Variants in CTNNA2 observed in about 807,000 individuals in gnomAD.
CTNNA2 encodes catenin alpha 2.
Under a neutral mutation model 101.0 loss-of-function variants are expected in CTNNA2, and 42 were observed. The ratio of observed to expected loss-of-function variants is 0.42; its 90% CI spans 0.32 to 0.54. The LOEUF (loss-of-function observed/expected upper bound fraction) is 0.54, where lower values mean the gene tolerates loss of function less well. Ranked by LOEUF, CTNNA2 falls within the 20% of genes least tolerant of loss-of-function variation. CTNNA2 has a pLI of 0.14. For missense variants in CTNNA2, 871 were observed against 1,223.1 expected, an observed-to-expected ratio of 0.71 and a Z score of 4.29; for synonymous variants, 450 against 456.4, an observed-to-expected ratio of 0.99 and a Z score of 0.18.
chr2:79,875,640 A>G (rs1457044087), intron 6 of CTNNA2, among the ~76,000 whole-genome samples: 3 of 152,162 alleles, frequency 2.0e-5, no homozygotes, highest in African/African-American at 4.8e-5. Flanking sequence ...TCATACTCAA[A>G]TAGTTCTTAC....
At position 80,097,793 on chromosome 2, in the gene CTNNA2, C is replaced by T. The variant is rs144575633; in HGVS notation, c.1056+187996C>T. Among the ~76,000 whole-genome samples, 704 of 152,264 alleles carry T rather than the reference C, an allele frequency of 4.6e-3. 4 individuals are homozygous for T. The highest frequency in any genetic ancestry group is 9.6e-3 in the Admixed American group (147 of 15,292). On this transcript the variant is annotated intron_variant, in intron 7 of 18. Coordinates refer to ENST00000402739, the MANE Select transcript of CTNNA2 (RefSeq NM_001282597.3). The stretch of plus-strand genomic sequence containing the variant: ...GCTGATACCCTTTCTTCCAGTTGAT[C>T]GCATTGCCTACTGAGGCTTATGCAT...
chr2:79,514,222 A>G (rs1671684066), intron 1 of CTNNA2, among the ~76,000 whole-genome samples: 1 of 152,240 alleles, frequency 6.6e-6, no homozygotes, highest in South Asian at 2.1e-4. Flanking sequence ...ACTTTTGTTC[A>G]TCATGGGTTA....
chr2:80,422,313 C>T (rs1378400537), intron 9 of CTNNA2, among the ~76,000 whole-genome samples: 8 of 152,132 alleles, frequency 5.3e-5, no homozygotes, highest in Non-Finnish European at 1.2e-4. Context: ...ACCACCTCCA[C>T]GATTCAGTTA....
At chr2:79,883,886 A>C (rs996694763) in intron 6 of CTNNA2, among the ~76,000 whole-genome samples, 1 of 152,174 alleles carries the variant, frequency 6.6e-6, no homozygotes, top group African/African-American at 2.4e-5. Flanking sequence ...AAGGTATTAC[A>C]CCAAGAATCA....
intron 2 of CTNNA2, chr2:79,292,842 A>G (rs1487864492): frequency 6.6e-6 from 1 of 152,254 alleles, no homozygotes; most frequent in Non-Finnish European, 1.5e-5. Flanking sequence ...AGCATTTCTG[A>G]GTGGGGACAA....
At chr2:80,586,943 A>G (rs1278993770) in intron 14 of CTNNA2, among the ~76,000 whole-genome samples, 1 of 152,264 alleles carries the variant, frequency 6.6e-6, no homozygotes, top group South Asian at 2.1e-4. Context: ...ACTCATGTCT[A>G]TGGCATCCAC....
Position 80,604,162 on chromosome 2 carries a change from C to T in CTNNA2, c.2278C>T (p.Arg760Cys), listed in dbSNP as rs1313161719. 1 of 1,612,650 alleles carries T rather than the reference C, an allele frequency of 6.2e-7. No homozygotes were observed. The highest frequency in any genetic ancestry group is 8.5e-7 in the Non-Finnish European group (1 of 1,179,208). The change falls in exon 16 of 19, where the codon CGT becomes TGT. Residue 760 changes from arginine (R) to cysteine (C), a missense_variant. By Grantham distance (180) the Arg-to-Cys change is radical. Transcript: ENST00000402739. ...AGGTTCTCGAATGGACAAATTAGCT[C>T]GTGCTGTGGCTGATCAGGTAATAGA... ...EAGSRMDKLA[R>C]AVADQCPDSA... is the part of the protein sequence containing the mutation.
intron 7 of CTNNA2, among the ~76,000 whole-genome samples, chr2:80,379,438 A>G (rs1171863517): frequency 1.3e-5 from 2 of 152,158 alleles, no homozygotes; most frequent in South Asian, 2.1e-4. Flanking sequence ...TTAGTGTGTC[A>G]GAAAGTGTGG....
chr2:80,589,998 A>C (rs1573381230), intron 15 of CTNNA2, among the ~76,000 whole-genome samples: 1 of 152,180 alleles, frequency 6.6e-6, no homozygotes, highest in African/African-American at 2.4e-5. Context: ...ACATATTAAG[A>C]ATCAGATACA....
chr2:79,832,677 A>T (rs898345444), intron 3 of CTNNA2, among the ~76,000 whole-genome samples: 2 of 152,172 alleles, frequency 1.3e-5, no homozygotes, highest in African/African-American at 4.8e-5. Context: ...GCATCCAAAC[A>T]AAAGCAGGCC....
At chr2:80,180,885 T>C (rs972328228) in intron 7 of CTNNA2, among the ~76,000 whole-genome samples, 4 of 152,154 alleles carry the variant, frequency 2.6e-5, no homozygotes, top group African/African-American at 9.7e-5. Flanking sequence ...AATAAACGAT[T>C]AGACCATTTT....
chr2:80,430,785 T>C (rs1681423080), intron 9 of CTNNA2, among the ~76,000 whole-genome samples: 1 of 152,196 alleles, frequency 6.6e-6, no homozygotes, highest in Non-Finnish European at 1.5e-5. Context: ...TCTTTTGTTA[T>C]ACTAATTAGT....
intron 1 of CTNNA2, chr2:79,636,851 G>T (rs1680105808): frequency 6.6e-6 from 1 of 151,980 alleles, no homozygotes; most frequent in Admixed American, 6.6e-5. Context: ...AACAAAATGA[G>T]TTCATACTAT....
intron 7 of CTNNA2, among the ~76,000 whole-genome samples, chr2:80,327,828 A>G (rs1670955040): frequency 6.6e-6 from 1 of 152,254 alleles, no homozygotes; most frequent in African/African-American, 2.4e-5. Flanking sequence ...GATATAACAT[A>G]TGCCCAAGAC....
rs770171863 is a variant in CTNNA2, at chr2:80,373,479, C to G, written c.1057-19732C>G. ...TTTCTTAATCAAAAGCACCTGCAAG[C>G]TTTCACATAGCATATAGAAGTTCTA... is the stretch of plus-strand genomic sequence containing the variant. On this transcript the variant is annotated intron_variant, in intron 7 of 18. Transcript: ENST00000402739. Among the ~76,000 whole-genome samples the G allele has an allele frequency of 4.6e-5, 7 of 152,266 alleles. 1 individual carries two copies. In the Middle Eastern group the frequency reaches 0.01, roughly 222 times the overall value.
intron 9 of CTNNA2, among the ~76,000 whole-genome samples, chr2:80,424,785 G>C (rs902880765): frequency 3.3e-5 from 5 of 152,122 alleles, no homozygotes; most frequent in African/African-American, 9.7e-5. Flanking sequence ...GCTTTGCCTT[G>C]CTTTTTGGAT....
intron 4 of CTNNA2, among the ~76,000 whole-genome samples, chr2:79,398,863 GA>G (rs928112582): frequency 2.1e-5 from 3 of 144,360 alleles, no homozygotes; most frequent in Non-Finnish European, 3.1e-5. Flanking sequence ...AAAAAAAAAA[GA>G]AAAAAAGTTG....
intron 7 of CTNNA2, among the ~76,000 whole-genome samples, chr2:79,976,515 G>A (rs115653799): frequency 0.03 from 4,597 of 152,260 alleles, 125 homozygotes; most frequent in Non-Finnish European, 0.046. Context: ...ATCAGTGCAA[G>A]TTCAAATATT....
At chr2:80,215,201 G>C (rs370074600) in intron 7 of CTNNA2, among the ~76,000 whole-genome samples, 10 of 152,168 alleles carry the variant, frequency 6.6e-5, no homozygotes, top group African/African-American at 1.9e-4. Flanking sequence ...CAATGGGTTA[G>C]AACATCCTCC....
Sources: allele counts gnomAD v4.1 joint callset (sites outside exome capture counted in the v4.1 genomes callset), GRCh38; gene constraint gnomAD v4.1.1; transcripts MANE v1.5; gene names NCBI Gene and HGNC (gene_info 2026-07-23, HGNC 2026-07-21).